Variants in RYR2 observed in about 807,000 individuals in gnomAD.
RYR2 encodes the protein cardiac muscle ryanodine receptor-calcium release channel.
RYR2 carries 227 observed loss-of-function variants against 601.1 expected under a neutral mutation model. The ratio of observed to expected loss-of-function variants is 0.38; its 90% confidence interval spans 0.34 to 0.42. The LOEUF is 0.42. Among genes scored for constraint, RYR2 ranks in the 10% least tolerant of loss-of-function variants. The pLI is 1.00. For missense variants in RYR2, 4,646 were observed against 6,156.5 expected, an observed-to-expected ratio of 0.75 and a Z score of 8.21; for synonymous variants, 2,223 against 2,175.1, an observed-to-expected ratio of 1.02 and a Z score of -0.61.
chr1:237,594,617 G>C (rs1263503242), intron 33 of RYR2, among the ~76,000 whole-genome samples: 4 of 152,140 alleles, frequency 2.6e-5, no homozygotes, highest in Admixed American at 2.6e-4. Flanking sequence ...ATGGAAGATA[G>C]GGAAGGGTCA....
chr1:237,045,746 A>G (rs1049932113), intron 1 of RYR2, among the ~76,000 whole-genome samples: 5 of 151,048 alleles, frequency 3.3e-5, no homozygotes, highest in African/African-American at 1.2e-4. Flanking sequence ...TTGGCATTTA[A>G]AAACACGCAT....
intron 10 of RYR2, among the ~76,000 whole-genome samples, chr1:237,391,382 T>C (rs1702370198): frequency 6.6e-6 from 1 of 152,194 alleles, no homozygotes; most frequent in South Asian, 2.1e-4. Flanking sequence ...CTGGGAAATA[T>C]GTAAAAAAAA....
At chr1:237,439,927 G>T (rs190611052) in intron 12 of RYR2, among the ~76,000 whole-genome samples, 82 of 152,206 alleles carry the variant, frequency 5.4e-4, no homozygotes, top group African/African-American at 1.9e-3. Flanking sequence ...TATTGACAGG[G>T]TTGGTAAAAG....
chr1:237,807,295 G>A (rs1660737382), intron 99 of RYR2, among the ~76,000 whole-genome samples: 1 of 152,066 alleles, frequency 6.6e-6, no homozygotes, highest in Non-Finnish European at 1.5e-5. Context: ...TAAAAGGTCC[G>A]GCACTACTTT....
At chr1:237,191,669 C>G (rs1029926085) in intron 1 of RYR2, among the ~76,000 whole-genome samples, 1 of 152,116 alleles carries the variant, frequency 6.6e-6, no homozygotes, top group Admixed American at 6.5e-5. Flanking sequence ...CAAATTGTCT[C>G]CAGCTCGAAA....
intron 25 of RYR2, among the ~76,000 whole-genome samples, chr1:237,539,049 C>G (rs777978916): frequency 6.6e-6 from 1 of 152,092 alleles, no homozygotes; most frequent in African/African-American, 2.4e-5. Context: ...GATGCACAGG[C>G]CATATAACCT....
intron 41 of RYR2, among the ~76,000 whole-genome samples, chr1:237,629,034 A>T (rs1045761417): frequency 4.6e-5 from 7 of 152,200 alleles, no homozygotes; most frequent in South Asian, 2.1e-4. Flanking sequence ...ACAGTCCCTC[A>T]TTGGAAGACC....
At chr1:237,158,346 C>T (rs1194389217) in intron 1 of RYR2, among the ~76,000 whole-genome samples, 6 of 152,078 alleles carry the variant, frequency 3.9e-5, no homozygotes, top group African/African-American at 1.4e-4. Flanking sequence ...AGGGAAAGGA[C>T]ATTGAAGAGA....
chr1:237,601,110 G>A (rs1227926806), intron 34 of RYR2, among the ~76,000 whole-genome samples: 2 of 152,158 alleles, frequency 1.3e-5, no homozygotes, highest in Non-Finnish European at 2.9e-5. Flanking sequence ...GGAAATCAGT[G>A]TGTGGAAGGA....
intron 1 of RYR2, among the ~76,000 whole-genome samples, chr1:237,157,628 C>T (rs1361933383): frequency 6.6e-6 from 1 of 152,020 alleles, no homozygotes; most frequent in Non-Finnish European, 1.5e-5. Flanking sequence ...GTGAAAGAAG[C>T]CAGGCAGAGA....
intron 10 of RYR2, among the ~76,000 whole-genome samples, chr1:237,415,747 A>G (rs1187849323): frequency 6.6e-6 from 1 of 152,238 alleles, no homozygotes; most frequent in Non-Finnish European, 1.5e-5. Flanking sequence ...TGATAAGTGT[A>G]TCTCTTTTGG....
At chr1:237,094,961 C>G (rs1465785378) in intron 1 of RYR2, among the ~76,000 whole-genome samples, 1 of 152,184 alleles carries the variant, frequency 6.6e-6, no homozygotes, top group Non-Finnish European at 1.5e-5. Flanking sequence ...ATGCCTTGCC[C>G]TGTGCTAAAC....
intron 1 of RYR2, among the ~76,000 whole-genome samples, chr1:237,261,863 A>G (rs1226209125): frequency 1.3e-5 from 2 of 151,984 alleles, no homozygotes; most frequent in East Asian, 1.9e-4. Flanking sequence ...ATCCCCTTAT[A>G]CTATTCTTTT....
Position 237,739,031 on chromosome 1 carries a change from A to G in RYR2, c.11092-3265A>G, listed in dbSNP as rs77880334. 1.3e-3 allele frequency among the ~76,000 whole-genome samples: 202 copies of G among 152,294 alleles called. 4 individuals are homozygous for G. In the East Asian group the frequency reaches 0.031, roughly 23 times the overall value. Reference sequence around the variant, plus strand: ...TGGGTATGAAATGGTATTTTGCTGGAGTCATGATTTTCATTTCTCTTGGCT... The same window carrying G: ...TGGGTATGAAATGGTATTTTGCTGGGGTCATGATTTTCATTTCTCTTGGCT... On this transcript the variant is annotated intron_variant, in intron 79 of 104. Coordinates refer to ENST00000366574, the MANE Select transcript of RYR2 (RefSeq NM_001035.3).
At chr1:237,119,667 C>A (rs1670559222) in intron 1 of RYR2, among the ~76,000 whole-genome samples, 1 of 152,128 alleles carries the variant, frequency 6.6e-6, no homozygotes, top group Admixed American at 6.6e-5. Flanking sequence ...CACTCTTCAG[C>A]CTATCAAATA....
chr1:237,099,498 G>A (rs1425225930), intron 1 of RYR2, among the ~76,000 whole-genome samples: 2 of 152,070 alleles, frequency 1.3e-5, no homozygotes, highest in East Asian at 3.9e-4. Flanking sequence ...TTGGCCTCCC[G>A]AAGTGCTGGG....
chr1:237,226,365 T>G (rs1337382156), intron 1 of RYR2, among the ~76,000 whole-genome samples: 1 of 152,166 alleles, frequency 6.6e-6, no homozygotes, highest in Non-Finnish European at 1.5e-5. Context: ...CCCCCTTAAC[T>G]TGTCAGTGGC....
chr1:237,617,333 G>A lies in RYR2; in HGVS notation c.5763G>A (p.Arg1921=), dbSNP rs886046270. 12 of 1,613,684 alleles carry A rather than the reference G, an allele frequency of 7.4e-6. No homozygotes were observed. The highest frequency in any genetic ancestry group is 9.3e-6 in the Non-Finnish European group (11 of 1,179,786). The stretch of plus-strand genomic sequence containing the variant: ...TCTGTGACTGCCAGGTCCGGCACCG[G>A]ATAGAAGCCATTGTAGCCTTTTCAG... ...QYLCDCQVRH[R]IEAIVAFSDD... The change falls in exon 38 of 105, where the codon CGG becomes CGA. Residue 1921 remains arginine, a synonymous_variant. Transcript: ENST00000366574.
intron 1 of RYR2, among the ~76,000 whole-genome samples, chr1:237,187,742 G>C (rs2148983283): frequency 6.6e-6 from 1 of 152,204 alleles, no homozygotes; most frequent in African/African-American, 2.4e-5. Flanking sequence ...ACTGAGCCTG[G>C]CCCACATAGA....
Sources: gnomAD v4.1 joint callset for allele counts (sites outside exome capture counted in the v4.1 genomes callset) on GRCh38, gnomAD v4.1.1 for gene constraint, MANE v1.5 for transcripts, NCBI Gene and HGNC (gene_info 2026-07-23, HGNC 2026-07-21) for gene names.